TENM1: variants seen among roughly 807,000 people sequenced by gnomAD.
TENM1 encodes the protein teneurin-1.
A neutral mutation model predicts 174.8 loss-of-function variants in TENM1; 35 were observed. The ratio of observed to expected loss-of-function variants is 0.20; its 90% CI spans 0.15 to 0.27. The LOEUF (loss-of-function observed/expected upper bound fraction) is 0.27, where lower values mean the gene tolerates loss of function less well. Among genes scored for constraint, TENM1 ranks in the 10% least tolerant of loss-of-function variants. The probability of loss-of-function intolerance (pLI) is 1.00; values close to 1 mark genes in which losing one functional copy is unlikely to be tolerated. For synonymous variants in TENM1, 781 were observed against 798.7 expected (o/e 0.98, Z 0.37); for missense variants, 1,633 against 2,130.1 (o/e 0.77, Z 4.59).
At chrX:125,056,145 C>T in the TENM1 span, among the ~76,000 whole-genome samples, 1 of 109,737 alleles carries the variant, frequency 9.1e-6, no homozygotes, top group Non-Finnish European at 1.9e-5. Flanking sequence ...CTTACCAAAA[C>T]TTGGCAAGAT....
chrX:124,725,151 C>G (rs904503769), intron 4 of TENM1, among the ~76,000 whole-genome samples: 1 of 111,080 alleles, frequency 9.0e-6, no homozygotes. Flanking sequence ...TGACTCCTCT[C>G]CCCGTTTTCC....
the TENM1 span, among the ~76,000 whole-genome samples, chrX:125,035,461 A>C: frequency 1.8e-5 from 2 of 111,701 alleles, no homozygotes; most frequent in Non-Finnish European, 3.8e-5. Context: ...TGTTGCTGAC[A>C]CCTAAATTTG....
At chrX:124,853,976 G>A (rs901030204) in intron 3 of TENM1, among the ~76,000 whole-genome samples, 15 of 110,935 alleles carry the variant, frequency 1.4e-4, no homozygotes, top group Admixed American at 7.7e-4. Context: ...GCCTGAAAAG[G>A]TTTACGAAAT....
chrX:124,756,819 G>A (rs1049500647), intron 3 of TENM1, among the ~76,000 whole-genome samples: 14 of 111,934 alleles, frequency 1.3e-4, no homozygotes, highest in Admixed American at 5.7e-4. Flanking sequence ...TACGTGAACC[G>A]CGAATGCTGC....
chrX:124,464,211 G>A (rs890819789), intron 22 of TENM1, among the ~76,000 whole-genome samples: 2 of 111,372 alleles, frequency 1.8e-5, no homozygotes, highest in African/African-American at 6.5e-5. Context: ...AGGAAAGTTC[G>A]TTTATTGCCC....
chrX:124,507,193 AG>A (rs1323747043), intron 18 of TENM1, among the ~76,000 whole-genome samples: 1 of 111,823 alleles, frequency 8.9e-6, no homozygotes, highest in African/African-American at 3.3e-5. Flanking sequence ...TAAGTGGATA[AG>A]GGGTCCTGGA....
At chrX:124,819,194 T>C (rs1479571586) in intron 3 of TENM1, among the ~76,000 whole-genome samples, 1 of 112,189 alleles carries the variant, frequency 8.9e-6, no homozygotes, top group East Asian at 2.8e-4. Context: ...AAAATAATTA[T>C]TGAAATTCAT....
chrX:124,411,881 CTG>C (rs899531328), intron 25 of TENM1: 2 of 112,180 alleles, frequency 1.8e-5, no homozygotes, highest in Non-Finnish European at 3.8e-5. Flanking sequence ...ATCTCTTCTG[CTG>C]TGTGTTTCCC....
At chrX:124,937,649 A>G (rs1341724700) in intron 1 of TENM1, among the ~76,000 whole-genome samples, 2 of 112,237 alleles carry the variant, frequency 1.8e-5, no homozygotes, top group African/African-American at 6.5e-5. Context: ...ACGCAGCATC[A>G]GATGCATATA....
the TENM1 span, among the ~76,000 whole-genome samples, chrX:125,197,362 A>G: frequency 1.8e-5 from 2 of 111,867 alleles, no homozygotes; most frequent in African/African-American, 3.2e-5. Context: ...ACAATTGAAA[A>G]ATAAATATAT....
chrX:124,516,211 G>C (rs936092513), intron 18 of TENM1, among the ~76,000 whole-genome samples: 2 of 111,830 alleles, frequency 1.8e-5, no homozygotes, highest in Admixed American at 1.9e-4. Flanking sequence ...CAAGATGGAT[G>C]AAAGACTTAA....
At chrX:125,064,671 CT>C in the TENM1 span, among the ~76,000 whole-genome samples, 372 of 108,790 alleles carry the variant, frequency 3.4e-3, 2 homozygotes, top group African/African-American at 0.011. Flanking sequence ...CCATAGACAT[CT>C]TTTTTTTTTC....
At chrX:125,093,673 C>A in the TENM1 span, among the ~76,000 whole-genome samples, 1 of 111,773 alleles carries the variant, frequency 8.9e-6, no homozygotes, top group Non-Finnish European at 1.9e-5. Flanking sequence ...GTCACAAAGC[C>A]TGGAGATACT....
intron 3 of TENM1, among the ~76,000 whole-genome samples, chrX:124,834,046 C>T (rs1452280892): frequency 1.8e-5 from 2 of 111,489 alleles, no homozygotes; most frequent in African/African-American, 6.5e-5. Context: ...AGTCATGCCC[C>T]CCGCCATGCC....
At chrX:124,834,448 C>T (rs758577700) in intron 3 of TENM1, among the ~76,000 whole-genome samples, 1 of 112,141 alleles carries the variant, frequency 8.9e-6, no homozygotes, top group South Asian at 3.7e-4. Context: ...GCTGGGATTA[C>T]AGGCATGAGC....
chrX:125,103,959 C>CT, the TENM1 span, among the ~76,000 whole-genome samples: 1 of 111,796 alleles, frequency 8.9e-6, no homozygotes, highest in East Asian at 2.8e-4. Context: ...CACTGCACCA[C>CT]TTCAGCCTGG....
the TENM1 span, among the ~76,000 whole-genome samples, chrX:125,105,226 A>C: frequency 1.5e-4 from 17 of 111,737 alleles, no homozygotes; most frequent in African/African-American, 5.2e-4. Context: ...AGAGTTCCAT[A>C]GGCATTTTTA....
Position 124,955,797 on chromosome X carries a change from GCA to G in TENM1, c.217+7738_217+7739del, listed in dbSNP as rs376755403. On this transcript the variant is annotated intron_variant, in intron 1 of 31. Coordinates refer to ENST00000422452, the Ensembl canonical transcript of TENM1. Reference sequence around the variant, plus strand: ...ATAAACAGATACAACACACGCGCACGCACACACACACACACACACACACACAC... The same window carrying G: ...ATAAACAGATACAACACACGCGCACGCACACACACACACACACACACACAC... Among the ~76,000 whole-genome samples the G allele has an allele frequency of 7.8e-3, 710 of 90,781 alleles. 3 individuals are homozygous for G. Among genetic ancestry groups the G allele is most frequent in the Middle Eastern group, 0.027 (5 of 187 alleles). 78.8% of individuals were successfully genotyped at this position (90,781 alleles called of 115,157 possible).
chrX:124,620,776 G>T (rs1269896635), intron 11 of TENM1, among the ~76,000 whole-genome samples: 2 of 111,947 alleles, frequency 1.8e-5, no homozygotes, highest in Admixed American at 1.9e-4. Context: ...ATATATTCTT[G>T]TTGTCTTACA....
Sources: gnomAD v4.1 joint callset for allele counts (sites outside exome capture counted in the v4.1 genomes callset) on GRCh38, gnomAD v4.1.1 for gene constraint, MANE v1.5 for transcripts, NCBI Gene and HGNC (gene_info 2026-07-23, HGNC 2026-07-21) for gene names.